The following NRXN3 variants were observed in gnomAD, a reference collection of about 807,000 sequenced individuals.
NRXN3 encodes neurexin 3.
A neutral mutation model predicts 137.6 loss-of-function variants in NRXN3; 32 were observed. The ratio of observed to expected loss-of-function variants is 0.23; its 90% CI spans 0.18 to 0.31. The LOEUF is 0.31. Ranked by LOEUF, NRXN3 falls within the 10% of genes least tolerant of loss-of-function variation. NRXN3 has a pLI of 1.00. For missense variants in NRXN3, 1,574 were observed against 2,062.5 expected (o/e 0.76, Z 4.59); for synonymous variants, 798 against 784.5 (o/e 1.02, Z -0.29).
intron 14 of NRXN3, among the ~76,000 whole-genome samples, chr14:78,982,720 A>G (rs1478918932): frequency 6.6e-6 from 1 of 152,210 alleles, no homozygotes; most frequent in African/African-American, 2.4e-5. Flanking sequence ...GAAGTGCTCC[A>G]TTGCATTGTT....
intron 4 of NRXN3, among the ~76,000 whole-genome samples, chr14:78,509,559 G>A (rs1039026955): frequency 2.0e-5 from 3 of 152,072 alleles, no homozygotes; most frequent in Non-Finnish European, 4.4e-5. Context: ...TATATGCTTG[G>A]AAGTCAGGGA....
intron 19 of NRXN3, among the ~76,000 whole-genome samples, chr14:79,764,757 A>G (rs928944732): frequency 9.2e-5 from 14 of 152,300 alleles, no homozygotes; most frequent in Middle Eastern, 3.4e-3. Flanking sequence ...GAAAGTAATT[A>G]GCTATGTGAC....
intron 4 of NRXN3, among the ~76,000 whole-genome samples, chr14:78,395,905 G>A (rs981586180): frequency 8.6e-5 from 13 of 151,812 alleles, no homozygotes; most frequent in African/African-American, 2.4e-4. Context: ...TTTGTAGATA[G>A]CATATAGTTG....
chr14:79,857,290 C>A, intron 20 of NRXN3, among the ~76,000 whole-genome samples: 1 of 152,146 alleles, frequency 6.6e-6, no homozygotes, highest in Admixed American at 6.5e-5. Context: ...GGCGTGATCT[C>A]GGCTCACTGC....
At chr14:78,342,910 C>A (rs956069011) in intron 4 of NRXN3, among the ~76,000 whole-genome samples, 1 of 152,242 alleles carries the variant, frequency 6.6e-6, no homozygotes, top group Admixed American at 6.5e-5. Flanking sequence ...TTTATCTACT[C>A]CCCCTGCCTC....
chr14:78,787,829 T>C (rs927121841), intron 8 of NRXN3, among the ~76,000 whole-genome samples: 2 of 152,140 alleles, frequency 1.3e-5, no homozygotes, highest in Non-Finnish European at 2.9e-5. Context: ...AGATTTAACT[T>C]TGGATTTTTG....
chr14:78,957,297 C>T lies in NRXN3; in HGVS notation c.2331C>T (p.His777=). Residue 777 remains histidine (H), a synonymous_variant, in exon 11 of 21, where the codon CAC becomes CAT. Coordinates refer to ENST00000335750, the MANE Select transcript of NRXN3 (RefSeq NM_001330195.2). ...AGAAGCTCAATGACAACGAGTGGCA[C>T]ACCGTTCGGGTGGTGCGGAGAGGAA... The part of the protein sequence containing the change: ...AGQKLNDNEW[H]TVRVVRRGKS... The T allele has an allele frequency of 6.2e-7, 1 of 1,614,102 alleles. No homozygotes were observed. The highest frequency in any genetic ancestry group is 8.5e-7 in the Non-Finnish European group (1 of 1,179,976).
intron 4 of NRXN3, among the ~76,000 whole-genome samples, chr14:78,315,988 G>C (rs939740956): frequency 6.6e-6 from 1 of 152,130 alleles, no homozygotes. Flanking sequence ...GCCCCTTCCT[G>C]TAAAGCTGTG....
chr14:78,755,870 T>C (rs1408533538), intron 8 of NRXN3, among the ~76,000 whole-genome samples: 3 of 152,232 alleles, frequency 2.0e-5, no homozygotes, highest in Non-Finnish European at 4.4e-5. Flanking sequence ...GCTGTGTGTA[T>C]GTAGATTTCC....
intron 15 of NRXN3, among the ~76,000 whole-genome samples, chr14:79,427,961 G>A (rs1302393518): frequency 2.6e-5 from 4 of 152,250 alleles, no homozygotes; most frequent in African/African-American, 9.6e-5. Context: ...ATAAGATCGA[G>A]GATCCCATTC....
intron 15 of NRXN3, among the ~76,000 whole-genome samples, chr14:79,160,860 G>C (rs988162899): frequency 3.9e-5 from 6 of 151,972 alleles, no homozygotes; most frequent in African/African-American, 1.4e-4. Context: ...AAGCTTCTTG[G>C]GAAGAGGTCA....
chr14:79,663,594 C>T (rs563402238), intron 16 of NRXN3, among the ~76,000 whole-genome samples, 184 bp from the exon 17 acceptor site: 1 of 152,106 alleles, frequency 6.6e-6, no homozygotes, highest in South Asian at 2.1e-4. Flanking sequence ...GGTTTTTATG[C>T]CATTGGTTTT....
chr14:79,374,408 G>A (rs567983789), intron 15 of NRXN3, among the ~76,000 whole-genome samples: 4 of 152,052 alleles, frequency 2.6e-5, no homozygotes, highest in Admixed American at 2.0e-4. Context: ...GAGATCATAA[G>A]ATTAACTAAA....
intron 4 of NRXN3, among the ~76,000 whole-genome samples, chr14:78,491,012 A>ACAG (rs2153749441): frequency 1.3e-5 from 2 of 152,040 alleles, no homozygotes; most frequent in African/African-American, 4.8e-5. Context: ...AAGTTTTCCC[A>ACAG]CAGCAGGCCC....
intron 19 of NRXN3, among the ~76,000 whole-genome samples, chr14:79,699,431 T>C (rs1467305979): frequency 6.6e-6 from 1 of 151,996 alleles, no homozygotes; most frequent in Non-Finnish European, 1.5e-5. Flanking sequence ...GCAAATGGCT[T>C]TTTCTTCATA....
chr14:79,254,818 CTTCCTTCT>C (rs1224140645), intron 15 of NRXN3, among the ~76,000 whole-genome samples: 303 of 151,034 alleles, frequency 2.0e-3, no homozygotes, highest in African/African-American at 6.5e-3. Flanking sequence ...CCCTCCCTCC[CTTCCTTCT>C]TTCCTTCTTT....
chr14:78,777,578 C>T (rs2098748627), intron 8 of NRXN3, among the ~76,000 whole-genome samples: 1 of 152,108 alleles, frequency 6.6e-6, no homozygotes, highest in South Asian at 2.1e-4. Flanking sequence ...ACTCTTTATT[C>T]TTAGAAAATA....
chr14:78,950,260 T>A (rs951713518), intron 10 of NRXN3, among the ~76,000 whole-genome samples: 1 of 152,174 alleles, frequency 6.6e-6, no homozygotes, highest in Admixed American at 6.5e-5. Flanking sequence ...CAAGAAAGCT[T>A]GAGCCTGTCC....
In NRXN3 at chr14:78,344,952, GA is replaced by G. The variant is rs58728399; in HGVS notation, c.757+47095del. ...GCACTAACAACTTTGTCATGGTTTA[GA>G]AAGCCTGGTTCCACCAGTTCTTAGG... On this transcript the variant is annotated intron_variant, in intron 4 of 20. Transcript: ENST00000335750. Among the ~76,000 whole-genome samples the G allele has an allele frequency of 8.6e-3, 1,311 of 152,332 alleles. 15 individuals are homozygous for G. The highest frequency in any genetic ancestry group is 0.03 in the African/African-American group (1,230 of 41,566).
Sources: allele counts gnomAD v4.1 joint callset (sites outside exome capture counted in the v4.1 genomes callset), GRCh38; gene constraint gnomAD v4.1.1; transcripts MANE v1.5; gene names NCBI Gene and HGNC (gene_info 2026-07-23, HGNC 2026-07-21).